The following LCOR variants were observed in gnomAD, a reference collection of about 807,000 sequenced individuals.
LCOR encodes the protein ligand dependent nuclear receptor corepressor.
LCOR carries 14 observed loss-of-function variants against 64.4 expected under a neutral mutation model. That is an observed-to-expected ratio of 0.22 (90% CI 0.14 to 0.34). The LOEUF is 0.34. Ranked by LOEUF, LCOR falls within the 10% of genes least tolerant of loss-of-function variation. The pLI is 1.00. For synonymous variants in LCOR, 643 were observed against 642.5 expected (o/e 1.00, Z -0.01); for missense variants, 1,686 against 1,765.3 (o/e 0.96, Z 0.80).
At chr10:96,856,785 T>C (rs1845812135) in intron 2 of LCOR, among the ~76,000 whole-genome samples, 1 of 151,914 alleles carries the variant, frequency 6.6e-6, no homozygotes, top group Admixed American at 6.6e-5. Context: ...CTAATACTGT[T>C]TTTTCTCTAG....
At chr10:96,848,102 C>T (rs1845663524) in intron 2 of LCOR, among the ~76,000 whole-genome samples, 1 of 152,148 alleles carries the variant, frequency 6.6e-6, no homozygotes, top group Non-Finnish European at 1.5e-5. Context: ...CCTAAGTCAG[C>T]CTGTATTTTG....
At position 96,984,533 on chromosome 10, in the gene LCOR, A is replaced by G. The variant is rs776879340; in HGVS notation, c.4073A>G (p.Lys1358Arg). ...TGCATCAACCCTCTGATGTCCCCCA[A>G]GCTTGCCCTGCAAGTGGATGCAGAT... ...SVCINPLMSP[K>R]LALQVDADGF... Residue 1358 changes from lysine (K) to arginine (R), a missense_variant, in exon 8 of 8, where the codon AAG becomes AGG. Around this residue, in one of 3 missense-constraint regions of LCOR, gnomAD observed 1,293 missense variants for 1,410.4 expected, o/e 0.92. Transcript: ENST00000421806. 70 of 1,614,216 alleles carry G rather than the reference A, an allele frequency of 4.3e-5. 2 individuals carry two copies. The South Asian group carries it at 6.9e-4, about 16-fold the overall frequency.
At chr10:96,911,736 C>G (rs1233292932) in intron 4 of LCOR, among the ~76,000 whole-genome samples, 1 of 152,200 alleles carries the variant, frequency 6.6e-6, no homozygotes, top group Non-Finnish European at 1.5e-5. Flanking sequence ...CTGACTGCCT[C>G]AGTTACCTGC....
chr10:96,846,148 A>C lies in LCOR; in HGVS notation c.-330+12669A>C, dbSNP rs556397129. On this transcript the variant is annotated intron_variant, in intron 2 of 7. Coordinates refer to ENST00000421806, the MANE Select transcript of LCOR (RefSeq NM_001346516.2). ...CTTGAATGTGGGAGGTGGAGGTTGCAGTGAGCCGAGATTGCACCACTGCAC... is the reference window on the plus strand; with the variant it reads ...CTTGAATGTGGGAGGTGGAGGTTGCCGTGAGCCGAGATTGCACCACTGCAC... Among the ~76,000 whole-genome samples the C allele has an allele frequency of 2.6e-4, 40 of 152,300 alleles. 1 individual carries two copies. In the East Asian group the frequency reaches 3.7e-3, roughly 14 times the overall value.
chr10:96,905,617 T>C (rs1589646055), intron 2 of LCOR, among the ~76,000 whole-genome samples: 2 of 151,592 alleles, frequency 1.3e-5, no homozygotes, highest in African/African-American at 4.8e-5. Flanking sequence ...ACCCCAACCC[T>C]TTTTCCTCCC....
At position 96,988,859 on chromosome 10, in the gene LCOR, C is replaced by G. The variant is rs557833175; in HGVS notation, c.*3725C>G. On this transcript the variant is annotated 3_prime_UTR_variant, in exon 8 of 8. Coordinates refer to ENST00000421806, the MANE Select transcript of LCOR (RefSeq NM_001346516.2). ...AATGTGTTTGGAATATAGCCACACC[C>G]ATTTTCTTAAGTTCTGTCTGCGGCT... 24 of 152,224 alleles carry G rather than the reference C, an allele frequency of 1.6e-4. 1 individual carries two copies. Among genetic ancestry groups the G allele is most frequent in the Non-Finnish European group, 2.8e-4 (19 of 68,046 alleles). The allele number at this position is 152,224 out of a possible 1,614,324, so 9.4% of individuals were successfully genotyped here.
intron 4 of LCOR, among the ~76,000 whole-genome samples, chr10:96,935,026 G>T (rs1252095494): frequency 1.3e-5 from 2 of 150,902 alleles, no homozygotes; most frequent in African/African-American, 2.4e-5. Flanking sequence ...AGAAGATTTT[G>T]CATCTTTTTG....
Position 96,984,749 on chromosome 10 carries a change from A to G in LCOR, c.4289A>G (p.Lys1430Arg). Residue 1430 changes from lysine (K) to arginine (R), a missense_variant, in exon 8 of 8, where the codon AAA becomes AGA. Around this residue, in one of 3 missense-constraint regions of LCOR, gnomAD observed 1,293 missense variants for 1,410.4 expected, o/e 0.92. Coordinates refer to ENST00000421806, the MANE Select transcript of LCOR (RefSeq NM_001346516.2). ...SKEKHADGAT[K>R]TPAAKRPAAR... ...GAAAAGCATGCTGATGGAGCCACCA[A>G]AACCCCTGCTGCCAAGAGGCCAGCT... 8 of 1,613,724 alleles carry G rather than the reference A, an allele frequency of 5.0e-6. No individual in the cohort carries two copies. The South Asian group carries it at 7.7e-5, about 16-fold the overall frequency.
At chr10:96,937,601 C>G (rs971394396) in intron 4 of LCOR, among the ~76,000 whole-genome samples, 1 of 151,666 alleles carries the variant, frequency 6.6e-6, no homozygotes, top group Non-Finnish European at 1.5e-5. Context: ...ATCTGCCCGC[C>G]TCGGCCTCCC....
intron 7 of LCOR, among the ~76,000 whole-genome samples, chr10:96,952,473 T>A (rs749489249): frequency 3.3e-5 from 5 of 152,188 alleles, no homozygotes; most frequent in Non-Finnish European, 7.3e-5. Context: ...GATACTCAAA[T>A]AATTCTAAAG....
chr10:96,875,376 TAAAA>T (rs541035827), intron 2 of LCOR, among the ~76,000 whole-genome samples: 2 of 146,340 alleles, frequency 1.4e-5, no homozygotes, highest in African/African-American at 5.0e-5. Context: ...CTGTCTCAAA[TAAAA>T]AAAAAAATAA....
Position 96,934,790 on chromosome 10 carries a change from C to G in LCOR, c.-183-9323C>G, listed in dbSNP as rs1312145947. On this transcript the variant is annotated intron_variant, in intron 4 of 7. Coordinates refer to ENST00000421806, the MANE Select transcript of LCOR (RefSeq NM_001346516.2). ...ATAATTTTTGTATTTTCAGTAGAGA[C>G]AGGGTTTTGCCATGTTGGCCAGACT... is the stretch of plus-strand genomic sequence containing the variant. 2.6e-5 allele frequency among the ~76,000 whole-genome samples: 4 copies of G among 151,900 alleles called. No homozygotes were observed. In the East Asian group the frequency reaches 7.8e-4, roughly 29 times the overall value.
rs1270034782 is a variant in LCOR, at chr10:96,984,004, A to C, written c.3544A>C (p.Asn1182His). 2.5e-6 allele frequency: 4 copies of C among 1,614,154 alleles called. No individual in the cohort carries two copies. Among genetic ancestry groups the C allele is most frequent in the Non-Finnish European group, 3.4e-6 (4 of 1,180,018 alleles). The change falls in exon 8 of 8, where the codon AAT becomes CAT. Residue 1182 changes from asparagine to histidine, a missense_variant. Physicochemically the swap from Asn to His is moderately conservative, Grantham distance 68. Coordinates refer to ENST00000421806, the MANE Select transcript of LCOR (RefSeq NM_001346516.2). ...MLFMTNFKLS[N>H]VCKWFLETTE... ...CTTTATGACAAACTTTAAATTATCT[A>C]ATGTTTGTAAATGGTTCTTAGAGAC...
At chr10:96,839,694 T>G (rs1427400928) in intron 2 of LCOR, among the ~76,000 whole-genome samples, 2 of 150,090 alleles carry the variant, frequency 1.3e-5, no homozygotes. Flanking sequence ...TTTTCTTGCT[T>G]TTTTTTTTTG....
intron 2 of LCOR, among the ~76,000 whole-genome samples, chr10:96,853,510 T>C (rs568173256): frequency 6.6e-6 from 1 of 152,196 alleles, no homozygotes; most frequent in Admixed American, 6.5e-5. Context: ...AACTCAAGAG[T>C]TTGAGGTTCA....
At chr10:96,934,416 C>T (rs575257854) in intron 4 of LCOR, among the ~76,000 whole-genome samples, 1 of 152,152 alleles carries the variant, frequency 6.6e-6, no homozygotes, top group African/African-American at 2.4e-5. Context: ...GCTTTCTACC[C>T]TAGAGCTATA....
Position 96,981,258 on chromosome 10 carries a change from C to A in LCOR, c.798C>A (p.Phe266Leu). 1 of 1,059,846 alleles carries A rather than the reference C, an allele frequency of 9.4e-7. No individual in the cohort carries two copies. The highest frequency in any genetic ancestry group is 1.4e-6 in the Non-Finnish European group (1 of 697,744). 65.7% of individuals were successfully genotyped at this position (1,059,846 alleles called of 1,614,324 possible). A position where few individuals can be genotyped will look rare whatever the true frequency, so the allele number is the denominator to read the frequency against. ...TTAATAGCAGTTCAGTGGATAGTTT[C>A]ACTCCGGGATACCTCACTGCATCTA... The part of the protein sequence containing the change: ...NSINSSSVDS[F>L]TPGYLTASNC... Residue 266 changes from phenylalanine (F) to leucine (L), a missense_variant, in exon 8 of 8, where the codon TTC (phenylalanine) becomes TTA (leucine). By Grantham distance (22) the Phe-to-Leu change is conservative (BLOSUM62 0). Transcript: ENST00000421806.
Position 96,983,948 on chromosome 10 carries a change from A to G in LCOR, c.3488A>G (p.Glu1163Gly). The G allele has an allele frequency of 6.2e-7, 1 of 1,614,204 alleles. No individual in the cohort carries two copies. Among genetic ancestry groups the G allele is most frequent in the Non-Finnish European group, 8.5e-7 (1 of 1,180,036 alleles). Residue 1163 changes from glutamate to glycine, a missense_variant, in exon 8 of 8, where the codon GAG becomes GGG. Glu to Gly is a moderately conservative substitution (Grantham distance 98). Transcript: ENST00000421806. This position sits in a 1 kb window ranked among gnomAD's most constrained non-coding sequence, Gnocchi z 4.5. ...TCACGGAAATGTAGGAGTTCATTGG[A>G]GAGTCAGAAGTGTTCTCCTGTTCAG... The part of the protein sequence containing the change: ...KRSRKCRSSL[E>G]SQKCSPVQML...
At chr10:96,892,774 G>A (rs759864271) in intron 2 of LCOR, among the ~76,000 whole-genome samples, 21 of 152,026 alleles carry the variant, frequency 1.4e-4, no homozygotes, top group Non-Finnish European at 2.6e-4. Flanking sequence ...GTTGCTGTTC[G>A]CATGGGCTTT....
Sources: gnomAD v4.1 joint callset for allele counts (sites outside exome capture counted in the v4.1 genomes callset) on GRCh38, gnomAD v4.1.1 for gene constraint, gnomAD v4.1.1 regional missense constraint, Gnocchi (gnomAD v3.1) non-coding constraint, MANE v1.5 for transcripts, NCBI Gene and HGNC (gene_info 2026-07-23, HGNC 2026-07-21) for gene names.